PDXDC1: variants seen among roughly 807,000 people sequenced by gnomAD.
The protein encoded by PDXDC1 is pyridoxal dependent decarboxylase domain containing 1.
PDXDC1 carries 42 observed loss-of-function variants against 100.1 expected under a neutral mutation model. That is an observed-to-expected ratio of 0.42 (90% CI 0.33 to 0.54). The LOEUF (loss-of-function observed/expected upper bound fraction) is 0.54, where lower values mean the gene tolerates loss of function less well. Among genes scored for constraint, PDXDC1 ranks in the 20% least tolerant of loss-of-function variants. PDXDC1 has a pLI of 0.10. For synonymous variants in PDXDC1, 260 were observed against 371.7 expected (o/e 0.70, Z 3.46); for missense variants, 636 against 979.2 (o/e 0.65, Z 4.68).
At chr16:15,008,010 C>T (rs998107719) in intron 6 of PDXDC1, among the ~76,000 whole-genome samples, 9 of 152,238 alleles carry the variant, frequency 5.9e-5, no homozygotes, top group African/African-American at 1.2e-4. Flanking sequence ...AAACTGTTAA[C>T]GGGGTGGATT....
At chr16:15,071,591 A>T (rs1478744816) in intron 16 of PDXDC1, among the ~76,000 whole-genome samples, 1 of 152,152 alleles carries the variant, frequency 6.6e-6, no homozygotes, top group Non-Finnish European at 1.5e-5. Flanking sequence ...AACATGGAGA[A>T]ACCCTGTCTC....
chr16:14,984,652 C>T (rs1190204210), intron 1 of PDXDC1, among the ~76,000 whole-genome samples: 6 of 151,570 alleles, frequency 4.0e-5, no homozygotes, highest in African/African-American at 7.3e-5. Flanking sequence ...CACACCACCA[C>T]GCCCAGGTAA....
chr16:15,047,593 G>T, intron 16 of PDXDC1: 1 of 1,381,492 alleles, frequency 7.2e-7, no homozygotes, highest in Non-Finnish European at 1.0e-6. Flanking sequence ...TCCCTGATGC[G>T]AGTGCAGTGC....
chr16:15,149,249 G>A, the PDXDC1 span, among the ~76,000 whole-genome samples: 2 of 152,184 alleles, frequency 1.3e-5, no homozygotes, highest in African/African-American at 2.4e-5. Context: ...CACCTGCACT[G>A]GGGGTCCTTC....
At chr16:15,071,585 T>A (rs911593768) in intron 16 of PDXDC1, among the ~76,000 whole-genome samples, 2 of 152,086 alleles carry the variant, frequency 1.3e-5, no homozygotes, top group Non-Finnish European at 2.9e-5. Context: ...CTGGCCAACA[T>A]GGAGAAACCC....
chr16:15,024,652 C>A (rs1421548454), intron 13 of PDXDC1, among the ~76,000 whole-genome samples: 2 of 152,260 alleles, frequency 1.3e-5, no homozygotes, highest in Non-Finnish European at 2.9e-5. Flanking sequence ...ACCTCGTGAT[C>A]CACCCGCCTC....
chr16:15,009,061 T>A (rs1228916639), intron 7 of PDXDC1, among the ~76,000 whole-genome samples: 1 of 152,288 alleles, frequency 6.6e-6, no homozygotes, highest in Admixed American at 6.5e-5. Context: ...TTAAGGAGTC[T>A]TGTAATTACT....
At chr16:15,059,996 T>G (rs1359172440) in intron 16 of PDXDC1, 3 of 128,640 alleles carry the variant, frequency 2.3e-5, no homozygotes, top group Non-Finnish European at 3.5e-5. Flanking sequence ...ATACATTAAA[T>G]TAAAAAAAAA....
At chr16:15,140,579 G>C (rs1051955664), downstream of PDXDC1, among the ~76,000 whole-genome samples, 1 of 152,084 alleles carries the variant, frequency 6.6e-6, no homozygotes, top group Admixed American at 6.5e-5. Flanking sequence ...CCATGGGAAA[G>C]ACATCCCATG....
At chr16:15,079,280 T>A (rs1306108251) in intron 16 of PDXDC1, among the ~76,000 whole-genome samples, 7 of 152,204 alleles carry the variant, frequency 4.6e-5, no homozygotes, top group Non-Finnish European at 8.8e-5. Flanking sequence ...CTTCCTTTCA[T>A]TCCCACTGCA....
chr16:15,034,148 G>A, intron 19 of PDXDC1, 138 bp from the exon 20 acceptor site: 1 of 686,292 alleles, frequency 1.5e-6, no homozygotes, highest in Non-Finnish European at 2.5e-6. Context: ...TTGAGTTTCT[G>A]TTCGTTTTAC....
rs2045473266 is a variant in PDXDC1, at chr16:15,076,745, A to G, written c.1399+46689A>G. The G allele has an allele frequency of 7.1e-6, 6 of 848,070 alleles. No individual in the cohort carries two copies. In the South Asian group the frequency reaches 8.9e-5, roughly 13 times the overall value. The allele number at this position is 848,070 out of a possible 1,614,324, so 52.5% of individuals were successfully genotyped here. On this transcript the variant is annotated intron_variant, in intron 16 of 16. Coordinates refer to the PDXDC1 transcript ENST00000535621. The stretch of plus-strand genomic sequence containing the variant: ...AATTCATCTGATATACGCATGTTCA[A>G]GGTGTCCAGATTAGTGCCTTATATC...
rs1466699848 is a variant in PDXDC1, at chr16:15,130,930, T to C, written c.1400-7949T>C. 8.5e-6 allele frequency: 6 copies of C among 705,898 alleles called. No individual in the cohort carries two copies. The African/African-American group carries it at 8.8e-5, about 10-fold the overall frequency. The allele number at this position is 705,898 out of a possible 1,614,324, so 43.7% of individuals were successfully genotyped here. On this transcript the variant is annotated intron_variant, in intron 16 of 16. Transcript: ENST00000535621. ...CCTCTGCACCAGAGCTGGCACCTGC[T>C]TCTCCGTGGCCCCCAGCTCCTCTCC...
rs1286231279 is a variant in PDXDC1, at chr16:15,028,906, C to T, written c.1233C>T (p.Pro411=). 1.2e-6 allele frequency: 2 copies of T among 1,613,994 alleles called. No homozygotes were observed. The highest frequency in any genetic ancestry group is 2.2e-5 in the East Asian group (1 of 44,874). The change falls in exon 15 of 23, where the codon CCC becomes CCT. Residue 411 remains proline (P), a synonymous_variant. Coordinates refer to ENST00000396410, the MANE Select transcript of PDXDC1 (RefSeq NM_015027.4). The stretch of plus-strand genomic sequence containing the variant: ...CGGTGTTTAAAGCCGTCCCAGTGCC[C>T]AACATGACACCTTCAGGAGTCGGCC... ...SDPVFKAVPV[P]NMTPSGVGRE...
intron 16 of PDXDC1, 115 bp from the exon 17 acceptor site, chr16:15,031,620 C>G: frequency 1.2e-6 from 1 of 812,526 alleles, no homozygotes; most frequent in East Asian, 2.5e-5. Flanking sequence ...CTCCATGGCT[C>G]CCGGTAACTG....
intron 1 of PDXDC1, among the ~76,000 whole-genome samples, chr16:14,980,459 T>C (rs1350536071): frequency 9.2e-5 from 14 of 152,278 alleles, no homozygotes; most frequent in African/African-American, 3.4e-4. Flanking sequence ...ATTATTTTTG[T>C]GCCACGCCCG....
intron 16 of PDXDC1, among the ~76,000 whole-genome samples, chr16:15,078,629 C>T (rs1323282098): frequency 6.6e-6 from 1 of 152,096 alleles, no homozygotes; most frequent in Non-Finnish European, 1.5e-5. Context: ...TCTTGGTTTT[C>T]CCCATACTTC....
chr16:15,061,728 TCA>T (rs1190980336), intron 16 of PDXDC1: 1 of 1,599,288 alleles, frequency 6.3e-7, no homozygotes, highest in African/African-American at 1.3e-5. Context: ...CACATCTCAG[TCA>T]CAAATTTCTG....
downstream of PDXDC1, among the ~76,000 whole-genome samples, chr16:15,042,420 C>T (rs1351788739): frequency 6.6e-6 from 1 of 152,002 alleles, no homozygotes; most frequent in Non-Finnish European, 1.5e-5. Context: ...GAACTCGTGA[C>T]CTAAAGTGAT....
Sources: gnomAD v4.1 joint callset for allele counts (sites outside exome capture counted in the v4.1 genomes callset) on GRCh38, gnomAD v4.1.1 for gene constraint, MANE v1.5 for transcripts, NCBI Gene and HGNC (gene_info 2026-07-23, HGNC 2026-07-21) for gene names.